GULP1: variants seen among roughly 807,000 people sequenced by gnomAD.
The protein encoded by GULP1 is PTB domain-containing engulfment adapter protein 1.
Under a neutral mutation model 40.9 loss-of-function variants are expected in GULP1, and 19 were observed. The observed-to-expected ratio is 0.46, with a 90% CI of 0.32 to 0.68. The LOEUF (loss-of-function observed/expected upper bound fraction) is 0.68. Ranked by LOEUF, GULP1 falls within the 30% of genes least tolerant of loss-of-function variation. GULP1 has a pLI of 0.03. For missense variants in GULP1, 312 were observed against 362.2 expected, an observed-to-expected ratio of 0.86 and a Z score of 1.12; for synonymous variants, 119 against 117.6, an observed-to-expected ratio of 1.01 and a Z score of -0.08.
chr2:188,570,984 T>G, intron 9 of GULP1, among the ~76,000 whole-genome samples: 1 of 152,090 alleles, frequency 6.6e-6, no homozygotes, highest in African/African-American at 2.4e-5. Context: ...TGGTGAAACC[T>G]TGTCTCTACA....
intron 2 of GULP1, among the ~76,000 whole-genome samples, chr2:188,393,970 T>A (rs537857131): frequency 3.9e-5 from 6 of 152,180 alleles, no homozygotes; most frequent in Non-Finnish European, 8.8e-5. Flanking sequence ...TTTTAAACAT[T>A]GGCTTTAGAT....
chr2:188,520,710 CCTGTTAA>C (rs993937060), intron 4 of GULP1, among the ~76,000 whole-genome samples: 2 of 152,006 alleles, frequency 1.3e-5, no homozygotes, highest in Non-Finnish European at 2.9e-5. Context: ...ATCCTCATGG[CCTGTTAA>C]CTGTTTCTAA....
chr2:188,421,928 T>C (rs1158473207), intron 2 of GULP1, among the ~76,000 whole-genome samples: 1 of 152,186 alleles, frequency 6.6e-6, no homozygotes, highest in African/African-American at 2.4e-5. Context: ...AATAGCTGTT[T>C]CTTAATTTGT....
chr2:188,396,478 C>A (rs1394839990), intron 2 of GULP1, among the ~76,000 whole-genome samples: 1 of 152,226 alleles, frequency 6.6e-6, no homozygotes, highest in Non-Finnish European at 1.5e-5. Flanking sequence ...CCACTCAGCT[C>A]CCCACACTGG....
At chr2:188,499,689 T>C (rs1437134630) in intron 4 of GULP1, among the ~76,000 whole-genome samples, 1 of 151,834 alleles carries the variant, frequency 6.6e-6, no homozygotes, top group Non-Finnish European at 1.5e-5. Flanking sequence ...TTTTCAAATC[T>C]TAAATTATTT....
chr2:188,361,102 A>G (rs965160894), intron 1 of GULP1, among the ~76,000 whole-genome samples: 3 of 152,134 alleles, frequency 2.0e-5, no homozygotes, highest in Non-Finnish European at 4.4e-5. Flanking sequence ...TAAATGCTAA[A>G]TGTTACGTGC....
At chr2:188,468,941 A>G (rs1315785975) in intron 2 of GULP1, among the ~76,000 whole-genome samples, 2 of 152,166 alleles carry the variant, frequency 1.3e-5, no homozygotes, top group Non-Finnish European at 2.9e-5. Flanking sequence ...AAGCAAGACT[A>G]GAAAGAATTG....
chr2:188,500,119 C>T (rs1368948109), intron 4 of GULP1, among the ~76,000 whole-genome samples: 5 of 151,860 alleles, frequency 3.3e-5, no homozygotes, highest in African/African-American at 1.2e-4. Flanking sequence ...CAGAATTAAT[C>T]TTATTTGAGT....
chr2:188,564,993 A>G (rs1374112521), intron 7 of GULP1, among the ~76,000 whole-genome samples: 1 of 151,974 alleles, frequency 6.6e-6, no homozygotes, highest in Non-Finnish European at 1.5e-5. Context: ...CTAGCTAAAT[A>G]TATGGGAAAA....
chr2:188,364,456 G>T (rs1229619773), intron 1 of GULP1, among the ~76,000 whole-genome samples: 1 of 152,150 alleles, frequency 6.6e-6, no homozygotes, highest in Non-Finnish European at 1.5e-5. Context: ...CAACTAATTT[G>T]GAACATTCTG....
At position 188,592,232 on chromosome 2, in the gene GULP1, T is replaced by C. The variant is rs114358905; in HGVS notation, c.844-1708T>C. ...ACTAGCAGAATGAACTGATAAAATTTAAAAGTACCGTATGGTATCAAACAT... is the reference window on the plus strand; with the variant it reads ...ACTAGCAGAATGAACTGATAAAATTCAAAAGTACCGTATGGTATCAAACAT... On this transcript the variant is annotated intron_variant, in intron 11 of 11. Transcript: ENST00000409830. 2.1e-3 allele frequency: 319 copies of C among 152,092 alleles called. 2 individuals carry two copies. Among genetic ancestry groups the C allele is most frequent in the African/African-American group, 7.4e-3 (308 of 41,562 alleles). 9.4% of individuals were successfully genotyped at this position (152,092 alleles called of 1,614,324 possible). A position where few individuals can be genotyped will look rare whatever the true frequency, so the allele number is the denominator to read the frequency against.
Position 188,541,287 on chromosome 2 carries a change from A to G in GULP1, c.368A>G (p.His123Arg). Residue 123 changes from histidine to arginine, a missense_variant, in exon 7 of 12, where the codon CAT (histidine) becomes CGT (arginine). By Grantham distance (29) the His-to-Arg change is conservative (BLOSUM62 0). Coordinates refer to ENST00000409830, the MANE Select transcript of GULP1 (RefSeq NM_016315.4). ...TGCAAAGATTCTGAGTCAAATAAAC[A>G]TTTGTGCTATGTATTTGACAGCGAA... ...FICKDSESNKHLCYVFDSEKC... is the reference protein window; with the variant it reads ...FICKDSESNKRLCYVFDSEKC... The G allele has an allele frequency of 6.2e-7, 1 of 1,613,104 alleles. No homozygotes were observed. Among genetic ancestry groups the G allele is most frequent in the Non-Finnish European group, 8.5e-7 (1 of 1,179,120 alleles).
At chr2:188,566,447 AT>A (rs1465900647) in intron 7 of GULP1, among the ~76,000 whole-genome samples, 2 of 152,146 alleles carry the variant, frequency 1.3e-5, no homozygotes, top group African/African-American at 4.8e-5. Flanking sequence ...GCCAAATGTC[AT>A]TAATGAATAA....
intron 7 of GULP1, among the ~76,000 whole-genome samples, chr2:188,554,688 G>C (rs139712046): frequency 3.1e-4 from 47 of 151,962 alleles, no homozygotes; most frequent in Admixed American, 2.2e-3. Context: ...TTTAAATTTG[G>C]AGGTTTTTGT....
At chr2:188,408,108 G>A (rs1433216719) in intron 2 of GULP1, among the ~76,000 whole-genome samples, 3 of 152,018 alleles carry the variant, frequency 2.0e-5, no homozygotes, top group Non-Finnish European at 2.9e-5. Flanking sequence ...AGGTTATCAG[G>A]GTGAGGCCAA....
At chr2:188,366,054 C>T (rs1346172710) in intron 1 of GULP1, among the ~76,000 whole-genome samples, 1 of 152,162 alleles carries the variant, frequency 6.6e-6, no homozygotes, top group East Asian at 1.9e-4. Flanking sequence ...TTCTGCTCAA[C>T]TGAGGGGCAT....
At chr2:188,372,522 C>G (rs535966019) in intron 1 of GULP1, among the ~76,000 whole-genome samples, 6 of 152,066 alleles carry the variant, frequency 3.9e-5, no homozygotes, top group Non-Finnish European at 8.8e-5. Flanking sequence ...AATATGACCT[C>G]ATATTTGTAT....
intron 1 of GULP1, among the ~76,000 whole-genome samples, chr2:188,336,084 C>A (rs1416791375): frequency 6.6e-6 from 1 of 152,046 alleles, no homozygotes; most frequent in South Asian, 2.1e-4. Flanking sequence ...ATATTTAATT[C>A]TCTGAAAAAT....
intron 2 of GULP1, among the ~76,000 whole-genome samples, chr2:188,436,789 A>C (rs1422344133): frequency 6.6e-6 from 1 of 152,196 alleles, no homozygotes; most frequent in South Asian, 2.1e-4. Flanking sequence ...ATTTTGGGGC[A>C]CATGCTCAAA....
Sources: gnomAD v4.1 joint callset for allele counts (sites outside exome capture counted in the v4.1 genomes callset) on GRCh38, gnomAD v4.1.1 for gene constraint, MANE v1.5 for transcripts, NCBI Gene and HGNC (gene_info 2026-07-23, HGNC 2026-07-21) for gene names.